Variants in SERGEF observed in about 807,000 individuals in gnomAD.
SERGEF encodes the protein secretion-regulating guanine nucleotide exchange factor.
A neutral mutation model predicts 50.0 loss-of-function variants in SERGEF; 51 were observed. That is an observed-to-expected ratio of 1.02 (90% CI 0.81 to 1.29). SERGEF has a LOEUF of 1.29. Among genes scored for constraint, SERGEF ranks in the 50% most tolerant of loss-of-function variants. SERGEF has a pLI of 0.00. For missense variants in SERGEF, 521 were observed against 557.0 expected (o/e 0.94, Z 0.65); for synonymous variants, 205 against 212.4 (o/e 0.97, Z 0.30).
At chr11:17,838,155 A>T (rs1158422025) in intron 10 of SERGEF, among the ~76,000 whole-genome samples, 1 of 152,206 alleles carries the variant, frequency 6.6e-6, no homozygotes, top group Non-Finnish European at 1.5e-5. Context: ...AAAGTAAGGG[A>T]AGCAACCTGT....
At chr11:17,815,613 TCAAAA>T (rs370860088) in intron 10 of SERGEF, among the ~76,000 whole-genome samples, 1 of 132,592 alleles carries the variant, frequency 7.5e-6, no homozygotes, top group African/African-American at 2.9e-5. Context: ...AGACTCCATC[TCAAAA>T]CAAAACAAAA....
intron 9 of SERGEF, among the ~76,000 whole-genome samples, chr11:17,938,601 T>C (rs1229890168): frequency 6.6e-6 from 1 of 152,188 alleles, no homozygotes; most frequent in Admixed American, 6.5e-5. Flanking sequence ...CCTCCTATGG[T>C]TCTCTTTGCC....
In SERGEF at chr11:17,863,986, G is replaced by A. The variant is rs1453051639; in HGVS notation, c.1048+14222C>T. On this transcript the variant is annotated intron_variant, in intron 10 of 10. Coordinates refer to ENST00000265965, the MANE Select transcript of SERGEF (RefSeq NM_012139.4). Reference sequence around the variant, plus strand: ...AGTCCAGCTCCCACATTTCCCAGATGGGGATTCTAGAGGCCCAGAGAAGGA... The same window carrying A: ...AGTCCAGCTCCCACATTTCCCAGATAGGGATTCTAGAGGCCCAGAGAAGGA... Among the ~76,000 whole-genome samples, 5 of 152,196 alleles carry A rather than the reference G, an allele frequency of 3.3e-5. No individual in the cohort carries two copies. In the East Asian group the frequency reaches 7.7e-4, roughly 23 times the overall value.
At chr11:17,790,100 C>T (rs1324484240) in intron 10 of SERGEF, among the ~76,000 whole-genome samples, 2 of 152,182 alleles carry the variant, frequency 1.3e-5, no homozygotes, top group Non-Finnish European at 2.9e-5. Context: ...AGAACATTAG[C>T]TAGCATTTTG....
At chr11:17,798,383 T>G (rs1232330287) in intron 10 of SERGEF, among the ~76,000 whole-genome samples, 4 of 152,198 alleles carry the variant, frequency 2.6e-5, no homozygotes, top group African/African-American at 9.7e-5. Context: ...GAGGCACGTA[T>G]TGGATCAACA....
intron 10 of SERGEF, among the ~76,000 whole-genome samples, chr11:17,829,795 T>C (rs6486399): frequency 0.48 from 72,567 of 152,102 alleles, 17,953 homozygotes; most frequent in East Asian, 0.85. Flanking sequence ...CAAAAAAGCA[T>C]TGTTTTAAGA....
At chr11:17,891,944 T>G (rs1851538488) in intron 9 of SERGEF, among the ~76,000 whole-genome samples, 1 of 152,206 alleles carries the variant, frequency 6.6e-6, no homozygotes, top group Non-Finnish European at 1.5e-5. Context: ...TTTAGGATCT[T>G]TTTTCCAAGT....
At chr11:17,860,138 T>C (rs1850901083) in intron 10 of SERGEF, among the ~76,000 whole-genome samples, 1 of 152,178 alleles carries the variant, frequency 6.6e-6, no homozygotes, top group Non-Finnish European at 1.5e-5. Context: ...AGAGTTGACG[T>C]CTTTGACCAT....
At chr11:17,999,816 T>C (rs1387850794) in intron 5 of SERGEF, among the ~76,000 whole-genome samples, 1 of 152,236 alleles carries the variant, frequency 6.6e-6, no homozygotes, top group East Asian at 1.9e-4. Flanking sequence ...TCCCAGGCTC[T>C]GATCCAAGCT....
At chr11:17,805,795 T>C (rs1445060077) in intron 10 of SERGEF, among the ~76,000 whole-genome samples, 1 of 152,234 alleles carries the variant, frequency 6.6e-6, no homozygotes, top group Non-Finnish European at 1.5e-5. Context: ...TCCCTATTAC[T>C]GAGACTCAGT....
chr11:17,837,314 G>A (rs1850417865), intron 10 of SERGEF, among the ~76,000 whole-genome samples: 1 of 152,078 alleles, frequency 6.6e-6, no homozygotes, highest in Admixed American at 6.5e-5. Context: ...AAATGAATGA[G>A]TTCCCCTAAA....
At chr11:17,931,907 G>A (rs980964653) in intron 9 of SERGEF, among the ~76,000 whole-genome samples, 2 of 152,156 alleles carry the variant, frequency 1.3e-5, no homozygotes, top group South Asian at 2.1e-4. Context: ...TGCATGCTGA[G>A]GTTTGAGAGT....
At chr11:17,963,364 TAAAAAAAAAAAAAAA>T (rs1174880141) in intron 8 of SERGEF, among the ~76,000 whole-genome samples, 657 of 49,924 alleles carry the variant, frequency 0.013, 16 homozygotes, top group African/African-American at 0.047. Context: ...TTACTATTAG[TAAAAAAAAAAAAAAA>T]AAAAAAAAAA....
intron 9 of SERGEF, among the ~76,000 whole-genome samples, chr11:17,937,577 A>G (rs1287160642): frequency 1.1e-4 from 17 of 152,088 alleles, no homozygotes; most frequent in Admixed American, 3.3e-4. Context: ...ATGTATTACA[A>G]TGGTATAAGT....
chr11:17,892,750 G>A (rs564964971), intron 9 of SERGEF, among the ~76,000 whole-genome samples: 6 of 152,268 alleles, frequency 3.9e-5, no homozygotes, highest in African/African-American at 1.2e-4. Flanking sequence ...TTGAACAGAC[G>A]GGTTTACTAC....
chr11:17,818,709 G>C lies in SERGEF; in HGVS notation c.1049-30296C>G, dbSNP rs145811395. Among the ~76,000 whole-genome samples, 13 of 152,272 alleles carry C rather than the reference G, an allele frequency of 8.5e-5. No individual in the cohort carries two copies. In the East Asian group the frequency reaches 2.5e-3, roughly 29 times the overall value. On this transcript the variant is annotated intron_variant, in intron 10 of 10. Transcript: ENST00000265965. ...GCAAAGGCAATGATCTTTCTAAAAG[G>C]TCAAACACTATTACTCCTCTATCTA... is the stretch of plus-strand genomic sequence containing the variant.
chr11:17,934,413 T>C (rs533150933), intron 9 of SERGEF, among the ~76,000 whole-genome samples: 61 of 152,316 alleles, frequency 4.0e-4, no homozygotes, highest in African/African-American at 1.4e-3. Flanking sequence ...CAGAGTTCAA[T>C]CTAGTTATTC....
chr11:17,896,118 T>C (rs1414050842), intron 9 of SERGEF, among the ~76,000 whole-genome samples: 2 of 152,224 alleles, frequency 1.3e-5, no homozygotes, highest in African/African-American at 2.4e-5. Flanking sequence ...AAAGGGGCTA[T>C]GAATCTCTTT....
intron 10 of SERGEF, among the ~76,000 whole-genome samples, chr11:17,834,365 T>G (rs1371663217): frequency 6.6e-6 from 1 of 152,196 alleles, no homozygotes; most frequent in Non-Finnish European, 1.5e-5. Flanking sequence ...AACCTCCTTC[T>G]TGTGTAAATT....
Sources: allele counts gnomAD v4.1 joint callset (sites outside exome capture counted in the v4.1 genomes callset), GRCh38; gene constraint gnomAD v4.1.1; transcripts MANE v1.5; gene names NCBI Gene and HGNC (gene_info 2026-07-23, HGNC 2026-07-21).